The following FARP1 variants were observed in gnomAD, a reference collection of about 807,000 sequenced individuals.
The protein encoded by FARP1 is FERM, ARH/RhoGEF and pleckstrin domain protein 1.
FARP1 carries 52 observed loss-of-function variants against 128.8 expected under a neutral mutation model. The ratio of observed to expected loss-of-function variants is 0.40; its 90% CI spans 0.32 to 0.51. The LOEUF (loss-of-function observed/expected upper bound fraction) is 0.51, where lower values mean the gene tolerates loss of function less well. FARP1 is among the 20% of genes least tolerant of loss of function. FARP1 has a pLI of 0.45. For synonymous variants in FARP1, 580 were observed against 551.8 expected (o/e 1.05, Z -0.72); for missense variants, 1,333 against 1,367.9 (o/e 0.97, Z 0.40).
At chr13:98,443,139 G>T (rs1892596601) in intron 24 of FARP1, among the ~76,000 whole-genome samples, 1 of 152,246 alleles carries the variant, frequency 6.6e-6, no homozygotes, top group African/African-American at 2.4e-5. Context: ...CCAAGAATGG[G>T]TTTCACTTTT....
At chr13:98,258,302 A>T (rs1429150623) in intron 2 of FARP1, among the ~76,000 whole-genome samples, 1 of 152,140 alleles carries the variant, frequency 6.6e-6, no homozygotes, top group Non-Finnish European at 1.5e-5. Flanking sequence ...AAGTAAACTT[A>T]AAGAAAAAAC....
At chr13:98,313,964 C>T (rs565360324) in intron 2 of FARP1, among the ~76,000 whole-genome samples, 19 of 152,294 alleles carry the variant, frequency 1.2e-4, no homozygotes, top group African/African-American at 4.6e-4. Flanking sequence ...ATGAGGGTCC[C>T]ATCCTCACGG....
chr13:98,204,683 G>C (rs949225616), intron 1 of FARP1, among the ~76,000 whole-genome samples: 1 of 152,216 alleles, frequency 6.6e-6, no homozygotes, highest in African/African-American at 2.4e-5. Flanking sequence ...GCTATTGGCT[G>C]CATGTGGTGG....
At chr13:98,352,031 G>A (rs954058993) in intron 3 of FARP1, among the ~76,000 whole-genome samples, 1 of 152,040 alleles carries the variant, frequency 6.6e-6, no homozygotes, top group African/African-American at 2.4e-5. Flanking sequence ...GTTCTAAGAA[G>A]GTGGTGGTGG....
At chr13:98,149,883 A>T (rs201847393) in intron 1 of FARP1, among the ~76,000 whole-genome samples, 18 of 149,886 alleles carry the variant, frequency 1.2e-4, no homozygotes, top group African/African-American at 4.2e-4. Flanking sequence ...GTCTACAGGC[A>T]CCCGCCACCA....
intron 2 of FARP1, among the ~76,000 whole-genome samples, chr13:98,245,873 A>G (rs1373712675): frequency 2.3e-4 from 34 of 149,832 alleles, no homozygotes; most frequent in Admixed American, 2.2e-3. Context: ...GGTTCAAGCA[A>G]TTCTCCTGCC....
chr13:98,194,796 ATAATG>A (rs1388617870), intron 1 of FARP1, among the ~76,000 whole-genome samples: 1 of 152,238 alleles, frequency 6.6e-6, no homozygotes, highest in Non-Finnish European at 1.5e-5. Flanking sequence ...TTAGAAATTC[ATAATG>A]TGAGAGATCA....
chr13:98,237,344 A>G (rs1312523086), intron 2 of FARP1, among the ~76,000 whole-genome samples: 3 of 152,184 alleles, frequency 2.0e-5, no homozygotes, highest in African/African-American at 7.2e-5. Flanking sequence ...AACTTACACA[A>G]ACGCTGACGG....
chr13:98,191,233 G>A (rs1879210332), intron 1 of FARP1, among the ~76,000 whole-genome samples: 1 of 152,116 alleles, frequency 6.6e-6, no homozygotes, highest in Non-Finnish European at 1.5e-5. Flanking sequence ...ACTAACCTTT[G>A]AGAACACTGC....
chr13:98,159,676 G>C (rs1445369395), intron 1 of FARP1: 1 of 152,042 alleles, frequency 6.6e-6, no homozygotes, highest in Non-Finnish European at 1.5e-5. Context: ...TCTCTATGTT[G>C]GTCAGGCTGG....
intron 2 of FARP1, among the ~76,000 whole-genome samples, chr13:98,321,384 G>A (rs1468332356): frequency 6.6e-6 from 1 of 152,196 alleles, no homozygotes; most frequent in Non-Finnish European, 1.5e-5. Context: ...AAAGCGTGAA[G>A]TTAAACCCAC....
rs929245568 is a variant in FARP1 at position 98,450,124 on chromosome 13, AAATACTAGT to A, written c.*1808_*1816del. 2 of 152,238 alleles carry A rather than the reference AAATACTAGT, an allele frequency of 1.3e-5. No homozygotes were observed. Among genetic ancestry groups the A allele is most frequent in the African/African-American group, 4.8e-5 (2 of 41,462 alleles). 9.4% of individuals were successfully genotyped at this position (152,238 alleles called of 1,614,324 possible). On this transcript the variant is annotated 3_prime_UTR_variant, in exon 27 of 27. Transcript: ENST00000319562. ...CTCTGCTTCCTGTGTGCCCTCAAGA[AAATACTAGT>A]GTGGGTAACAGTCCATCTGAGTGGA...
intron 2 of FARP1, among the ~76,000 whole-genome samples, chr13:98,213,947 AG>A (rs1250237991): frequency 6.6e-6 from 1 of 152,142 alleles, no homozygotes; most frequent in East Asian, 1.9e-4. Context: ...CCCACAGGGC[AG>A]GTGTGGGAGT....
intron 4 of FARP1, among the ~76,000 whole-genome samples, chr13:98,367,301 C>T (rs577376855): frequency 2.6e-5 from 4 of 152,162 alleles, no homozygotes; most frequent in African/African-American, 7.2e-5. Flanking sequence ...GGATTATAGG[C>T]GCCCGCCACC....
chr13:98,372,081 C>CTTTTT lies in FARP1; in HGVS notation c.398+3904_398+3908dup, dbSNP rs56838920. 1.6e-3 allele frequency among the ~76,000 whole-genome samples: 150 copies of CTTTTT among 92,320 alleles called. 4 individuals are homozygous for CTTTTT. The highest frequency in any genetic ancestry group is 4.6e-3 in the African/African-American group (106 of 22,976). The allele number at this position is 92,320 out of a possible 152,430, so 60.6% of individuals were successfully genotyped here. ...TTTGGAAAAGATGATCCCAGTTTTT[C>CTTTTT]TTTTTTTTTTTTTTTTTTTTTTGGC... On this transcript the variant is annotated intron_variant, in intron 5 of 26. Transcript: ENST00000319562.
At chr13:98,428,893 C>G (rs74377930) in intron 17 of FARP1, among the ~76,000 whole-genome samples, 1 of 152,214 alleles carries the variant, frequency 6.6e-6, no homozygotes, top group Non-Finnish European at 1.5e-5. Flanking sequence ...GTGATAGCAT[C>G]GCACAGAGCG....
intron 2 of FARP1, among the ~76,000 whole-genome samples, chr13:98,318,701 A>G (rs979837980): frequency 2.6e-5 from 4 of 152,112 alleles, no homozygotes; most frequent in South Asian, 4.1e-4. Flanking sequence ...CCAGACTGCC[A>G]CCACCCCACC....
chr13:98,161,610 C>T (rs902810370), intron 1 of FARP1, among the ~76,000 whole-genome samples: 4 of 152,132 alleles, frequency 2.6e-5, no homozygotes, highest in African/African-American at 9.7e-5. Flanking sequence ...GCTGAGTTCA[C>T]ATGATGGGAA....
intron 1 of FARP1, among the ~76,000 whole-genome samples, chr13:98,164,418 CAG>C (rs1877099558): frequency 6.6e-6 from 1 of 152,182 alleles, no homozygotes; most frequent in African/African-American, 2.4e-5. Flanking sequence ...TTGAAAGAGT[CAG>C]AGAGTCTGGG....
Sources: allele counts gnomAD v4.1 joint callset (sites outside exome capture counted in the v4.1 genomes callset), GRCh38; gene constraint gnomAD v4.1.1; transcripts MANE v1.5; gene names NCBI Gene and HGNC (gene_info 2026-07-23, HGNC 2026-07-21).